TMEFF2: variants seen among roughly 807,000 people sequenced by gnomAD.
TMEFF2 encodes the protein transmembrane protein with EGF like and two follistatin like domains 2.
In TMEFF2, 28 loss-of-function variants were observed where a neutral mutation model predicts 53.8. That is an observed-to-expected ratio of 0.52 (90% CI 0.39 to 0.71). TMEFF2 has a LOEUF of 0.71. Among genes scored for constraint, TMEFF2 ranks in the 30% least tolerant of loss-of-function variants. The pLI is 0.00. For missense variants in TMEFF2, 353 were observed against 455.2 expected, an observed-to-expected ratio of 0.78 and a Z score of 2.04; for synonymous variants, 162 against 166.3, an observed-to-expected ratio of 0.97 and a Z score of 0.20.
chr2:192,118,540 G>C (rs1245597202), intron 4 of TMEFF2, among the ~76,000 whole-genome samples: 2 of 152,140 alleles, frequency 1.3e-5, no homozygotes, highest in African/African-American at 4.8e-5. Flanking sequence ...TGGGTGATGT[G>C]AAGTGTACAG....
chr2:192,192,963 A>G (rs1173168713), intron 1 of TMEFF2, among the ~76,000 whole-genome samples: 1 of 152,238 alleles, frequency 6.6e-6, no homozygotes, highest in Non-Finnish European at 1.5e-5. Context: ...GCCAAAAAAG[A>G]GAACAATCTA....
At chr2:192,189,630 T>C (rs1187055842) in intron 2 of TMEFF2, among the ~76,000 whole-genome samples, 2 of 145,716 alleles carry the variant, frequency 1.4e-5, no homozygotes, top group African/African-American at 5.1e-5. Context: ...GGATAATATA[T>C]AGGAAAATAG....
At chr2:192,132,436 C>T (rs4496280) in intron 4 of TMEFF2, among the ~76,000 whole-genome samples, 148,812 of 152,088 alleles carry the variant, frequency 0.98, 72,889 homozygotes, top group East Asian at 1. Flanking sequence ...AAGGCCATCT[C>T]ATTCTCAATA....
chr2:192,142,625 A>G (rs1341961867), intron 4 of TMEFF2, among the ~76,000 whole-genome samples: 1 of 152,170 alleles, frequency 6.6e-6, no homozygotes, highest in Non-Finnish European at 1.5e-5. Context: ...TGTGAACCAT[A>G]AAGAAGTGTT....
chr2:192,075,310 T>C lies in TMEFF2; in HGVS notation c.440-17535A>G, dbSNP rs74545410. Among the ~76,000 whole-genome samples, 12 of 74,888 alleles carry C rather than the reference T, an allele frequency of 1.6e-4. 1 individual carries two copies. The highest frequency in any genetic ancestry group is 3.9e-4 in the South Asian group (1 of 2,546). 49.1% of individuals were successfully genotyped at this position (74,888 alleles called of 152,430 possible). On this transcript the variant is annotated intron_variant, in intron 4 of 9. Transcript: ENST00000272771. Reference sequence around the variant, plus strand: ...TTATATATATATATATATATATATATATATATATATATATATATATATACA... The same window carrying C: ...TTATATATATATATATATATATATACATATATATATATATATATATATACA...
In TMEFF2 at chr2:192,075,310, T is replaced by TATATATAAATATAA. The variant is rs1553518819; in HGVS notation, c.440-17536_440-17535insTTATATTTATATAT. On this transcript the variant is annotated intron_variant, in intron 4 of 9. Coordinates refer to ENST00000272771, the MANE Select transcript of TMEFF2 (RefSeq NM_016192.4). ...TTATATATATATATATATATATATA[T>TATATATAAATATAA]ATATATATATATATATATATATACA... Among the ~76,000 whole-genome samples, 111 of 74,896 alleles carry TATATATAAATATAA rather than the reference T, an allele frequency of 1.5e-3. 2 individuals are homozygous for TATATATAAATATAA. The highest frequency in any genetic ancestry group is 4.8e-3 in the Admixed American group (29 of 6,048). The allele number at this position is 74,896 out of a possible 152,430, so 49.1% of individuals were successfully genotyped here.
intron 5 of TMEFF2, among the ~76,000 whole-genome samples, chr2:192,024,664 G>GTATC (rs1686928880): frequency 6.6e-6 from 1 of 152,198 alleles, no homozygotes; most frequent in African/African-American, 2.4e-5. Flanking sequence ...TCCCCATTAA[G>GTATC]GGATAAGGAA....
At chr2:192,081,065 A>G (rs974836237) in intron 4 of TMEFF2, among the ~76,000 whole-genome samples, 22 of 152,224 alleles carry the variant, frequency 1.4e-4, no homozygotes, top group African/African-American at 5.1e-4. Flanking sequence ...ACAGTGATCA[A>G]TGAAAGTAAG....
At chr2:192,074,626 TTAAA>T (rs1272289102) in intron 4 of TMEFF2, among the ~76,000 whole-genome samples, 5 of 151,928 alleles carry the variant, frequency 3.3e-5, no homozygotes, top group Non-Finnish European at 5.9e-5. Context: ...TTAATTAAAA[TTAAA>T]TAAAATTAAA....
Position 192,194,261 on chromosome 2 carries a change from C to T in TMEFF2, c.172+92G>A, listed in dbSNP as rs556016031. The stretch of plus-strand genomic sequence containing the variant: ...GTCTAGGGCAGTAGGAGGTGAGGGG[C>T]TGAGGAGGCGCGCTAGGGTAGGCTG... On this transcript the variant is annotated intron_variant, in intron 1 of 9. Coordinates refer to ENST00000272771, the MANE Select transcript of TMEFF2 (RefSeq NM_016192.4). This position sits in a 1 kb window ranked among gnomAD's most constrained non-coding sequence, Gnocchi z 4.2. 2 of 1,489,334 alleles carry T rather than the reference C, an allele frequency of 1.3e-6. No individual in the cohort carries two copies. The highest frequency in any genetic ancestry group is 4.6e-5 in the East Asian group (2 of 43,842). 92.3% of individuals were successfully genotyped at this position (1,489,334 alleles called of 1,614,324 possible). A position where few individuals can be genotyped will look rare whatever the true frequency, so the allele number is the denominator to read the frequency against.
At chr2:191,959,148 T>C (rs917995053) in intron 7 of TMEFF2, among the ~76,000 whole-genome samples, 1 of 152,222 alleles carries the variant, frequency 6.6e-6, no homozygotes, top group Non-Finnish European at 1.5e-5. Context: ...GCTTATGATT[T>C]AGACATTGAT....
At chr2:192,091,452 G>A (rs550833107) in intron 4 of TMEFF2, among the ~76,000 whole-genome samples, 5 of 152,152 alleles carry the variant, frequency 3.3e-5, no homozygotes, top group East Asian at 1.9e-4. Context: ...AAAGAAAAGC[G>A]TTGAATATTT....
chr2:191,964,391 TTTCTTTCTCTTTC>T (rs1162032447), intron 7 of TMEFF2, among the ~76,000 whole-genome samples: 1 of 25,548 alleles, frequency 3.9e-5, no homozygotes, highest in East Asian at 2.2e-3. Context: ...TCTTTCTTTC[TTTCTTTCTCTTTC>T]TTTCTTTCTT....
intron 4 of TMEFF2, among the ~76,000 whole-genome samples, chr2:192,143,565 T>C (rs1690185338): frequency 6.6e-6 from 1 of 152,150 alleles, no homozygotes. Context: ...TTTACATATA[T>C]TGCAAATTTG....
At chr2:192,094,332 G>C (rs1184283022) in intron 4 of TMEFF2, among the ~76,000 whole-genome samples, 1 of 152,114 alleles carries the variant, frequency 6.6e-6, no homozygotes, top group East Asian at 1.9e-4. Context: ...GTGTGATGCA[G>C]CTTCTCAACC....
chr2:191,998,936 C>T (rs72914390), intron 6 of TMEFF2, 124 bp downstream of exon 6: 15,194 of 951,060 alleles, frequency 0.016, 159 homozygotes, highest in Non-Finnish European at 0.019. Context: ...ACTCTACTAT[C>T]CATTGTAAAT....
intron 8 of TMEFF2, among the ~76,000 whole-genome samples, chr2:191,955,524 A>ATTTTTTTTTTTT (rs71405028): frequency 0.095 from 5,723 of 60,088 alleles, 1,480 homozygotes; most frequent in East Asian, 0.13. Context: ...CTAATTCTTA[A>ATTTTTTTTTTTT]TTTTTTTTTT....
intron 7 of TMEFF2, among the ~76,000 whole-genome samples, chr2:191,964,037 C>G (rs1247923105): frequency 1.3e-5 from 2 of 152,080 alleles, no homozygotes; most frequent in African/African-American, 4.8e-5. Context: ...GAAGTCAGGG[C>G]TCTTTCCAGT....
intron 4 of TMEFF2, among the ~76,000 whole-genome samples, chr2:192,059,290 C>A (rs1041617578): frequency 6.6e-6 from 1 of 151,634 alleles, no homozygotes; most frequent in Non-Finnish European, 1.5e-5. Context: ...AGGTGTCCTC[C>A]CCAAAAAGAA....
Sources: allele counts gnomAD v4.1 joint callset (sites outside exome capture counted in the v4.1 genomes callset), GRCh38; gene constraint gnomAD v4.1.1; non-coding constraint Gnocchi (gnomAD v3.1); transcripts MANE v1.5; gene names NCBI Gene and HGNC (gene_info 2026-07-23, HGNC 2026-07-21).